Variants in ATP10A observed in about 807,000 individuals in gnomAD.
ATP10A encodes the protein ATPase phospholipid transporting 10A (putative), also known as phospholipid-transporting ATPase VA.
A neutral mutation model predicts 147.8 loss-of-function variants in ATP10A; 111 were observed. The ratio of observed to expected loss-of-function variants is 0.75; its 90% CI spans 0.64 to 0.88. The LOEUF is 0.88. Among genes scored for constraint, ATP10A ranks in the 40% least tolerant of loss-of-function variants. The probability of loss-of-function intolerance (pLI) is 0.00; values close to 1 mark genes in which losing one functional copy is unlikely to be tolerated. For missense variants in ATP10A, 1,927 were observed against 1,959.0 expected (o/e 0.98, Z 0.31); for synonymous variants, 875 against 841.6 (o/e 1.04, Z -0.69).
intron 1 of ATP10A, among the ~76,000 whole-genome samples, chr15:25,849,714 G>C (rs1893195097): frequency 6.6e-6 from 1 of 152,170 alleles, no homozygotes; most frequent in Non-Finnish European, 1.5e-5. Context: ...GAGAACCTGA[G>C]GGTCTCTGTC....
At chr15:25,705,666 G>A (rs1340322624) in intron 12 of ATP10A, among the ~76,000 whole-genome samples, 1 of 152,150 alleles carries the variant, frequency 6.6e-6, no homozygotes, top group Non-Finnish European at 1.5e-5. Flanking sequence ...CAGGTAGCAG[G>A]AGATGGTAAG....
intron 1 of ATP10A, among the ~76,000 whole-genome samples, chr15:25,815,880 T>C (rs1891633383): frequency 6.6e-6 from 1 of 152,080 alleles, no homozygotes. Flanking sequence ...TGACTTATTT[T>C]GGTTCCAACT....
chr15:25,853,043 C>CA (rs1202035356), intron 1 of ATP10A, among the ~76,000 whole-genome samples: 1 of 152,104 alleles, frequency 6.6e-6, no homozygotes, highest in African/African-American at 2.4e-5. Flanking sequence ...AAAATGAGGA[C>CA]AAAAATTCTT....
At chr15:25,709,875 G>C (rs1901291293) in intron 10 of ATP10A, 1 of 152,234 alleles carries the variant, frequency 6.6e-6, no homozygotes, top group Non-Finnish European at 1.5e-5. Context: ...TTGGAGGGTG[G>C]GGCCCTTGTG....
intron 1 of ATP10A, among the ~76,000 whole-genome samples, chr15:25,791,084 G>GTTTT (rs66598588): frequency 7.7e-6 from 1 of 129,578 alleles, no homozygotes; most frequent in Non-Finnish European, 1.6e-5. Context: ...CCCTGCAAGT[G>GTTTT]TTTTTTTTTT....
Position 25,863,026 on chromosome 15 carries a change from G to T in ATP10A, c.71C>A (p.Thr24Lys), listed in dbSNP as rs924156101. The change falls in exon 1 of 21, where the codon ACG becomes AAG. Residue 24 changes from threonine to lysine, a missense_variant. Thr to Lys is a moderately conservative substitution (Grantham distance 78). Transcript: ENST00000555815. ...CAGCAGGTTGGAGCGCACCGTGCGC[G>T]TCCTGCCCTCTCGGCGCCTCCGCCG... is the stretch of plus-strand genomic sequence containing the variant. ...PGRRRRREGR[T>K]RTVRSNLLPP... The T allele has an allele frequency of 2.6e-5, 34 of 1,297,308 alleles. No homozygotes were observed. In the African/African-American group the frequency reaches 4.7e-4, roughly 18 times the overall value. 80.4% of individuals were successfully genotyped at this position (1,297,308 alleles called of 1,614,324 possible). A position where few individuals can be genotyped will look rare whatever the true frequency, so the allele number is the denominator to read the frequency against.
intron 13 of ATP10A, among the ~76,000 whole-genome samples, chr15:25,696,835 A>G (rs921942536): frequency 6.6e-6 from 1 of 152,218 alleles, no homozygotes; most frequent in Non-Finnish European, 1.5e-5. Context: ...TTTTGAACTC[A>G]GTCCCAGGCA....
chr15:25,751,681 AC>A (rs1888162438), intron 2 of ATP10A, among the ~76,000 whole-genome samples: 1 of 152,204 alleles, frequency 6.6e-6, no homozygotes, highest in African/African-American at 2.4e-5. Flanking sequence ...CAGCAAAAGA[AC>A]AATTAACAGT....
intron 13 of ATP10A, among the ~76,000 whole-genome samples, chr15:25,700,085 A>G (rs79318876): frequency 0.012 from 1,780 of 152,324 alleles, 63 homozygotes; most frequent in East Asian, 0.091. Flanking sequence ...AATACTTGAC[A>G]ATTCATCCAA....
At chr15:25,702,244 G>GC (rs1359619513) in intron 12 of ATP10A, 144 bp from the exon 13 acceptor site, 3 of 802,632 alleles carry the variant, frequency 3.7e-6, no homozygotes, top group Non-Finnish European at 5.7e-6. Flanking sequence ...GGGCTGGGCT[G>GC]CCAGTTGTCT....
chr15:25,719,643 G>A (rs1351064824), intron 7 of ATP10A, among the ~76,000 whole-genome samples: 3 of 151,710 alleles, frequency 2.0e-5, no homozygotes, highest in East Asian at 1.9e-4. Flanking sequence ...CTCAGAGGCT[G>A]TGGGGGCCAC....
intron 1 of ATP10A, among the ~76,000 whole-genome samples, chr15:25,827,188 T>C (rs1022163248): frequency 6.6e-6 from 1 of 152,080 alleles, no homozygotes; most frequent in Non-Finnish European, 1.5e-5. Context: ...ACAAAATACA[T>C]AGGTGAAATT....
intron 1 of ATP10A, among the ~76,000 whole-genome samples, chr15:25,782,601 T>A (rs994353583): frequency 6.6e-6 from 1 of 152,112 alleles, no homozygotes; most frequent in Admixed American, 6.5e-5. Flanking sequence ...CAGGGACACA[T>A]TCCAAGCCAC....
At chr15:25,807,587 G>T (rs1284296159) in intron 1 of ATP10A, among the ~76,000 whole-genome samples, 1 of 152,198 alleles carries the variant, frequency 6.6e-6, no homozygotes, top group Non-Finnish European at 1.5e-5. Context: ...CAGATCACCT[G>T]AGGTCAAGAG....
At chr15:25,849,234 G>A (rs556116650) in intron 1 of ATP10A, among the ~76,000 whole-genome samples, 11 of 152,272 alleles carry the variant, frequency 7.2e-5, no homozygotes, top group South Asian at 2.1e-4. Flanking sequence ...AGAGGGGGCC[G>A]AGGGTGTGGA....
chr15:25,751,051 T>TA (rs1404653050), intron 2 of ATP10A, among the ~76,000 whole-genome samples: 1 of 152,032 alleles, frequency 6.6e-6, no homozygotes, highest in African/African-American at 2.4e-5. Context: ...GACTCGTTTT[T>TA]AAAAAAATTA....
chr15:25,724,250 T>C (rs1037920689), intron 5 of ATP10A, among the ~76,000 whole-genome samples: 1 of 152,172 alleles, frequency 6.6e-6, no homozygotes, highest in African/African-American at 2.4e-5. Flanking sequence ...GAGTTTCCCA[T>C]TGTTGGTGCT....
intron 2 of ATP10A, among the ~76,000 whole-genome samples, chr15:25,779,482 T>A (rs772262897): frequency 5.2e-4 from 78 of 149,272 alleles, no homozygotes; most frequent in Non-Finnish European, 9.7e-4. Flanking sequence ...TTAGTTCACA[T>A]CCCTGCAGAG....
At position 25,862,479 on chromosome 15, in the gene ATP10A, G is replaced by T. The variant is rs577922220; in HGVS notation, c.449+169C>A. The stretch of plus-strand genomic sequence containing the variant: ...GGCGGAGGCACAGAGAGGCCTTGGC[G>T]GCGCTGTGGCTTCGGTCGGCACCGG... On this transcript the variant is annotated intron_variant, in intron 1 of 20. Transcript: ENST00000555815. The T allele has an allele frequency of 4.8e-6, 4 of 832,634 alleles. No homozygotes were observed. In the East Asian group the frequency reaches 8.0e-5, roughly 17 times the overall value. The allele number at this position is 832,634 out of a possible 1,614,324, so 51.6% of individuals were successfully genotyped here.
Sources: gnomAD v4.1 joint callset for allele counts (sites outside exome capture counted in the v4.1 genomes callset) on GRCh38, gnomAD v4.1.1 for gene constraint, MANE v1.5 for transcripts, NCBI Gene and HGNC (gene_info 2026-07-23, HGNC 2026-07-21) for gene names.